Variants in RBFOX1 observed in about 807,000 individuals in gnomAD.
RBFOX1 encodes RNA binding fox-1 homolog 1.
Under a neutral mutation model 57.7 loss-of-function variants are expected in RBFOX1, and 8 were observed. That is an observed-to-expected ratio of 0.14 (90% confidence interval 0.08 to 0.25). RBFOX1 has a LOEUF of 0.25. RBFOX1 is among the 10% of genes least tolerant of loss of function. The pLI, the probability that RBFOX1 is intolerant of heterozygous loss-of-function variation, is 1.00. For synonymous variants in RBFOX1, 326 were observed against 222.4 expected, an observed-to-expected ratio of 1.47 and a Z score of -4.15; for missense variants, 611 against 548.5, an observed-to-expected ratio of 1.11 and a Z score of -1.14.
At position 7,023,829 on chromosome 16, in the gene RBFOX1, A is replaced by G. The variant is rs182223848; in HGVS notation, c.-15-28228A>G. ...CTGGAGTAGGCTGCCATTTTTAATCACCCAGATGTTAAATTTATTCATCAT... is the reference window on the plus strand; with the variant it reads ...CTGGAGTAGGCTGCCATTTTTAATCGCCCAGATGTTAAATTTATTCATCAT... On this transcript the variant is annotated intron_variant, in intron 3 of 15. Coordinates refer to ENST00000550418, the MANE Select transcript of RBFOX1 (RefSeq NM_018723.4). 1.2e-3 allele frequency among the ~76,000 whole-genome samples: 175 copies of G among 152,090 alleles called. 1 individual carries two copies. Among genetic ancestry groups the G allele is most frequent in the Non-Finnish European group, 2.2e-3 (152 of 67,996 alleles).
At chr16:5,581,041 A>G (rs2046647319) in intron 2 of RBFOX1, among the ~76,000 whole-genome samples, 1 of 152,162 alleles carries the variant, frequency 6.6e-6, no homozygotes, top group South Asian at 2.1e-4. Context: ...ATGGATTTTT[A>G]ATGAACCGGA....
chr16:7,001,991 T>A (rs534335720), intron 3 of RBFOX1, among the ~76,000 whole-genome samples: 1 of 152,032 alleles, frequency 6.6e-6, no homozygotes, highest in Non-Finnish European at 1.5e-5. Flanking sequence ...GAACTCCTGG[T>A]GTTTAGAGTG....
intron 3 of RBFOX1, among the ~76,000 whole-genome samples, chr16:6,971,895 G>C (rs1446465915): frequency 6.6e-6 from 1 of 152,128 alleles, no homozygotes; most frequent in Non-Finnish European, 1.5e-5. Flanking sequence ...CTTTACATCA[G>C]CAGCCTCAGT....
chr16:5,346,641 T>G (rs116790169), intron 1 of RBFOX1, among the ~76,000 whole-genome samples: 259 of 152,328 alleles, frequency 1.7e-3, no homozygotes, highest in African/African-American at 5.9e-3. Flanking sequence ...GAATTTTCAG[T>G]GCAATACAGG....
intron 3 of RBFOX1, among the ~76,000 whole-genome samples, chr16:6,910,072 A>G (rs575421492): frequency 9.9e-5 from 15 of 152,030 alleles, no homozygotes; most frequent in Non-Finnish European, 2.1e-4. Flanking sequence ...AGGAAGGGAT[A>G]TTGTGCCTGT....
At position 5,904,124 on chromosome 16, in the gene RBFOX1, G is replaced by A. The variant is rs552688291; in HGVS notation, c.351+36789G>A. ...ATGCAGGTAAGGCGAATGGGCCTCC[G>A]CAGAGTAATTGGATCATTCGGAGAT... On this transcript the variant is annotated intron_variant, in intron 4 of 19. Coordinates refer to the RBFOX1 transcript ENST00000641259. 3.9e-5 allele frequency among the ~76,000 whole-genome samples: 6 copies of A among 152,230 alleles called. No individual in the cohort carries two copies. The East Asian group carries it at 7.8e-4, about 20-fold the overall frequency.
At chr16:6,904,640 AAG>A (rs1399809156) in intron 3 of RBFOX1, among the ~76,000 whole-genome samples, 8 of 151,184 alleles carry the variant, frequency 5.3e-5, no homozygotes, top group East Asian at 1.9e-4. Flanking sequence ...AAGAAGAAGA[AAG>A]AAAAATTCAT....
intron 4 of RBFOX1, among the ~76,000 whole-genome samples, chr16:7,450,350 C>T (rs1371451291): frequency 4.2e-5 from 6 of 144,024 alleles, no homozygotes; most frequent in African/African-American, 7.7e-5. Context: ...GCCGCAATCG[C>T]GCCATTGCAC....
At chr16:7,179,001 T>G (rs1330258640) in intron 4 of RBFOX1, among the ~76,000 whole-genome samples, 1 of 152,188 alleles carries the variant, frequency 6.6e-6, no homozygotes, top group African/African-American at 2.4e-5. Context: ...TGGCGGGTGA[T>G]AAACTAATAA....
intron 3 of RBFOX1, among the ~76,000 whole-genome samples, chr16:5,715,595 G>A (rs774237136): frequency 1.3e-5 from 2 of 152,200 alleles, no homozygotes; most frequent in Non-Finnish European, 2.9e-5. Context: ...ATGATGAAAT[G>A]TGACCTTTCT....
In RBFOX1 at chr16:5,815,686, G is replaced by A. The variant is rs1309457630; in HGVS notation, c.319-51617G>A. 2.0e-5 allele frequency among the ~76,000 whole-genome samples: 3 copies of A among 152,234 alleles called. No homozygotes were observed. In the East Asian group the frequency reaches 5.8e-4, roughly 29 times the overall value. ...AAGGTCCTCAAAGAGTGAGGTAATA[G>A]GTTTCTTTATTAAAAATTAATCTTC... On this transcript the variant is annotated intron_variant, in intron 3 of 19. Transcript: ENST00000641259.
chr16:7,631,808 G>A (rs561446757), intron 11 of RBFOX1, among the ~76,000 whole-genome samples: 1 of 152,216 alleles, frequency 6.6e-6, no homozygotes, highest in African/African-American at 2.4e-5. Flanking sequence ...CCTCACTGTT[G>A]GGGCAGCACC....
At chr16:7,658,886 C>A (rs376841393) in intron 12 of RBFOX1, among the ~76,000 whole-genome samples, 82 of 152,268 alleles carry the variant, frequency 5.4e-4, no homozygotes, top group African/African-American at 1.8e-3. Flanking sequence ...CCACCACACC[C>A]AGCTAATTTT....
At chr16:5,952,017 GCA>G (rs201739721) in intron 4 of RBFOX1, among the ~76,000 whole-genome samples, 9 of 148,424 alleles carry the variant, frequency 6.1e-5, no homozygotes, top group African/African-American at 2.0e-4. Flanking sequence ...ATATATATAT[GCA>G]CACACACACA....
chr16:5,853,019 A>G (rs1443555205), intron 3 of RBFOX1, among the ~76,000 whole-genome samples: 3 of 152,114 alleles, frequency 2.0e-5, no homozygotes, highest in Non-Finnish European at 2.9e-5. Flanking sequence ...CCTTGGTTAC[A>G]ACGCTCATTA....
intron 1 of RBFOX1, among the ~76,000 whole-genome samples, chr16:5,251,400 G>A (rs1162578489): frequency 6.6e-6 from 1 of 152,256 alleles, no homozygotes; most frequent in Non-Finnish European, 1.5e-5. Context: ...GGGCAGGGCT[G>A]TTGCTGATAC....
chr16:5,901,925 G>A (rs1042789483), intron 4 of RBFOX1, among the ~76,000 whole-genome samples: 1 of 151,974 alleles, frequency 6.6e-6, no homozygotes, highest in Non-Finnish European at 1.5e-5. Context: ...GCCTTCTTTG[G>A]TTCTCCACCT....
chr16:5,398,683 A>T (rs2066630856), intron 1 of RBFOX1, among the ~76,000 whole-genome samples: 1 of 152,048 alleles, frequency 6.6e-6, no homozygotes, highest in Non-Finnish European at 1.5e-5. Context: ...CAAGGTTGAC[A>T]GTGGGGGAGG....
intron 4 of RBFOX1, among the ~76,000 whole-genome samples, chr16:7,357,071 T>C (rs1393811243): frequency 2.6e-5 from 4 of 152,126 alleles, no homozygotes; most frequent in Non-Finnish European, 5.9e-5. Context: ...ACATTCTGCA[T>C]CAAGGTAAAC....
Sources: allele counts gnomAD v4.1 joint callset (sites outside exome capture counted in the v4.1 genomes callset), GRCh38; gene constraint gnomAD v4.1.1; transcripts MANE v1.5; gene names NCBI Gene and HGNC (gene_info 2026-07-23, HGNC 2026-07-21).